The following ALK variants were observed in gnomAD, a reference collection of about 807,000 sequenced individuals.
ALK encodes ALK tyrosine kinase receptor.
Under a neutral mutation model 163.1 loss-of-function variants are expected in ALK, and 74 were observed. That is an observed-to-expected ratio of 0.45 (90% CI 0.38 to 0.55). ALK has a LOEUF of 0.55. Ranked by LOEUF, ALK falls within the 20% of genes least tolerant of loss-of-function variation. ALK has a pLI of 0.00. For missense variants in ALK, 2,063 were observed against 2,105.3 expected, an observed-to-expected ratio of 0.98 and a Z score of 0.39; for synonymous variants, 960 against 843.2, an observed-to-expected ratio of 1.14 and a Z score of -2.40.
rs75953464 is a variant in ALK at position 29,483,702 on chromosome 2, T to A, written c.1154+48213A>T. Among the ~76,000 whole-genome samples the A allele has an allele frequency of 5.8e-3, 888 of 152,376 alleles. 11 individuals carry two copies. The highest frequency in any genetic ancestry group is 0.02 in the African/African-American group (847 of 41,582). On this transcript the variant is annotated intron_variant, in intron 4 of 28. Transcript: ENST00000389048. ...TTTTTACTATTTTTCATTTAGGTTT[T>A]GTTTAACATAATGACATATATTTTA...
At chr2:29,394,561 C>T (rs1045389997) in intron 4 of ALK, among the ~76,000 whole-genome samples, 2 of 152,134 alleles carry the variant, frequency 1.3e-5, no homozygotes, top group Non-Finnish European at 2.9e-5. Context: ...ATGGTGCTGG[C>T]ATTCCAGGAA....
intron 5 of ALK, among the ~76,000 whole-genome samples, chr2:29,348,123 G>A (rs1283261377): frequency 6.6e-6 from 1 of 152,140 alleles, no homozygotes. Context: ...TCTTCTCAGA[G>A]ACAACATGAT....
intron 1 of ALK, among the ~76,000 whole-genome samples, chr2:29,777,412 G>T (rs1215476900): frequency 2.0e-5 from 3 of 152,062 alleles, no homozygotes; most frequent in Non-Finnish European, 4.4e-5. Flanking sequence ...GAAGAGAAGT[G>T]AATGTCAGAG....
chr2:29,831,382 C>T (rs62131020), intron 1 of ALK, among the ~76,000 whole-genome samples: 35,319 of 145,482 alleles, frequency 0.24, 5,968 homozygotes, highest in East Asian at 0.46. Flanking sequence ...TTTCATTAGA[C>T]TCCTAGGAGT....
chr2:29,232,338 C>T lies in ALK; in HGVS notation c.2598G>A (p.Ser866=), dbSNP rs56304041. The part of the protein sequence containing the change: ...FHPERLENNS[S]VLGLNGNSGA... ...CGGAATTGCCGTTTAGCCCTAGAAC[C>T]GAGGAGTTATTCTCCAGTCTCTCTG... The change falls in exon 15 of 29, where the codon TCG becomes TCA. Residue 866 remains serine (S), a synonymous_variant. Coordinates refer to ENST00000389048, the MANE Select transcript of ALK (RefSeq NM_004304.5). 4.6e-5 allele frequency: 74 copies of T among 1,614,116 alleles called. 1 individual carries two copies. The highest frequency in any genetic ancestry group is 1.2e-4 in the Admixed American group (7 of 60,010).
chr2:29,287,017 G>A (rs1447464545), intron 9 of ALK, among the ~76,000 whole-genome samples: 1 of 151,902 alleles, frequency 6.6e-6, no homozygotes, highest in Admixed American at 6.6e-5. Context: ...AGTAGGTGTG[G>A]CCATGTGACT....
intron 11 of ALK, among the ~76,000 whole-genome samples, chr2:29,271,780 C>A (rs1464059104): frequency 6.6e-6 from 1 of 152,178 alleles, no homozygotes; most frequent in Non-Finnish European, 1.5e-5. Context: ...GCTTTTATCC[C>A]CCCTTTGGCG....
Position 29,244,868 on chromosome 2 carries a change from T to C in ALK, c.2205-5038A>G, listed in dbSNP as rs1053441613. Among the ~76,000 whole-genome samples the C allele has an allele frequency of 3.3e-5, 5 of 152,256 alleles. No individual in the cohort carries two copies. The East Asian group carries it at 9.6e-4, about 29-fold the overall frequency. ...AGAACCTGACTGGCATTGTGGACTG[T>C]TATTAAACTTTTCTGTCCTGTGGTC... On this transcript the variant is annotated intron_variant, in intron 12 of 28. Coordinates refer to ENST00000389048, the MANE Select transcript of ALK (RefSeq NM_004304.5).
intron 6 of ALK, among the ~76,000 whole-genome samples, chr2:29,321,836 G>A (rs1159471154): frequency 2.0e-5 from 3 of 152,216 alleles, no homozygotes; most frequent in African/African-American, 2.4e-5. Context: ...TATATCATCA[G>A]TGGGCTCAGC....
At chr2:29,786,159 T>C (rs1418083425) in intron 1 of ALK, among the ~76,000 whole-genome samples, 5 of 152,192 alleles carry the variant, frequency 3.3e-5, no homozygotes, top group Admixed American at 6.6e-5. Flanking sequence ...CTTGGAGTTT[T>C]CTTGTATTCA....
intron 1 of ALK, among the ~76,000 whole-genome samples, chr2:29,777,061 G>C (rs1681197047): frequency 2.0e-5 from 3 of 152,130 alleles, no homozygotes; most frequent in Admixed American, 1.3e-4. Context: ...TCAAGAATGT[G>C]TCTCCTCAAA....
At chr2:29,238,607 T>C (rs533777221) in intron 13 of ALK, among the ~76,000 whole-genome samples, 3 of 152,262 alleles carry the variant, frequency 2.0e-5, no homozygotes, top group African/African-American at 7.2e-5. Flanking sequence ...ACAACCGCCA[T>C]TTTTCCCCCT....
At chr2:29,370,448 C>T (rs1302468875) in intron 5 of ALK, among the ~76,000 whole-genome samples, 1 of 152,204 alleles carries the variant, frequency 6.6e-6, no homozygotes, top group African/African-American at 2.4e-5. Context: ...CCTGACCTTA[C>T]ACTTGGGCTG....
intron 6 of ALK, among the ~76,000 whole-genome samples, chr2:29,321,157 C>T (rs909398277): frequency 1.3e-5 from 2 of 152,220 alleles, no homozygotes; most frequent in Non-Finnish European, 2.9e-5. Context: ...AGTTGTATAT[C>T]TGACAAAGCA....
intron 4 of ALK, among the ~76,000 whole-genome samples, chr2:29,404,371 T>C (rs190132600): frequency 2.1e-4 from 31 of 148,278 alleles, no homozygotes; most frequent in African/African-American, 7.2e-4. Flanking sequence ...ATAAATAACA[T>C]ATAAATATTT....
At chr2:29,699,275 T>A (rs1044132857) in intron 2 of ALK, among the ~76,000 whole-genome samples, 1 of 152,208 alleles carries the variant, frequency 6.6e-6, no homozygotes, top group African/African-American at 2.4e-5. Context: ...TTCCACGCAC[T>A]GTCCTGGGTG....
intron 4 of ALK, among the ~76,000 whole-genome samples, chr2:29,508,383 C>A (rs1672399355): frequency 6.6e-6 from 1 of 152,060 alleles, no homozygotes; most frequent in African/African-American, 2.4e-5. Flanking sequence ...ATGATGAGTT[C>A]ATGTCCTTTG....
At chr2:29,803,072 G>A (rs911301246) in intron 1 of ALK, among the ~76,000 whole-genome samples, 5 of 152,194 alleles carry the variant, frequency 3.3e-5, no homozygotes, top group African/African-American at 1.2e-4. Context: ...GAACTGTTAT[G>A]CAAGTAAGGA....
intron 4 of ALK, among the ~76,000 whole-genome samples, chr2:29,428,184 G>T (rs1670189602): frequency 6.6e-6 from 1 of 151,934 alleles, no homozygotes; most frequent in Non-Finnish European, 1.5e-5. Flanking sequence ...GAAGATAGTT[G>T]TCAAGTGAAT....
Sources: allele counts gnomAD v4.1 joint callset (sites outside exome capture counted in the v4.1 genomes callset), GRCh38; gene constraint gnomAD v4.1.1; transcripts MANE v1.5; gene names NCBI Gene and HGNC (gene_info 2026-07-23, HGNC 2026-07-21).